CR1L: variants seen among roughly 807,000 people sequenced by gnomAD.
CR1L encodes the protein complement C3b/C4b receptor 1 like, also known as complement component receptor 1-like protein.
Under a neutral mutation model 62.3 loss-of-function variants are expected in CR1L, and 59 were observed. The ratio of observed to expected loss-of-function variants is 0.95; its 90% CI spans 0.77 to 1.18. CR1L has a LOEUF of 1.18. Ranked by LOEUF, CR1L falls within the 50% of genes most tolerant of loss-of-function variation. The pLI is 0.00. For missense variants in CR1L, 700 were observed against 702.8 expected (o/e 1.00, Z 0.04); for synonymous variants, 279 against 248.7 (o/e 1.12, Z -1.15).
At chr1:207,689,347 C>T (rs1468136087) in intron 4 of CR1L, among the ~76,000 whole-genome samples, 2 of 151,798 alleles carry the variant, frequency 1.3e-5, no homozygotes, top group African/African-American at 2.4e-5. Context: ...AGATGATTAT[C>T]CTATCTATGA....
At position 207,697,517 on chromosome 1, in the gene CR1L, C is replaced by G. The variant is rs1458862860; in HGVS notation, c.877C>G (p.Pro293Ala). The G allele has an allele frequency of 6.2e-7, 1 of 1,613,686 alleles. No homozygotes were observed. Among genetic ancestry groups the G allele is most frequent in the Non-Finnish European group, 8.5e-7 (1 of 1,179,740 alleles). ...PSCSRVCQPP[P>A]DVLHAERTQR... Reference sequence around the variant, plus strand: ...TCTCTCCCCAGTATGTCAGCCACCTCCAGATGTCCTGCATGCTGAGCGTAC... The same window carrying G: ...TCTCTCCCCAGTATGTCAGCCACCTGCAGATGTCCTGCATGCTGAGCGTAC... Residue 293 changes from proline to alanine, a missense_variant, in exon 6 of 12, where the codon CCA becomes GCA. Physicochemically the swap from Pro to Ala is conservative, Grantham distance 27. Coordinates refer to ENST00000508064, the MANE Select transcript of CR1L (RefSeq NM_175710.2).
At chr1:207,717,422 T>C in intron 10 of CR1L, 42 bp from the exon 11 acceptor site, 2 of 1,594,132 alleles carry the variant, frequency 1.3e-6, no homozygotes, top group South Asian at 1.1e-5. Context: ...TCATCTTAAG[T>C]GAAACTCTAA....
chr1:207,708,217 C>T lies in CR1L; in HGVS notation c.1368C>T (p.Leu456=). 1 of 1,611,488 alleles carries T rather than the reference C, an allele frequency of 6.2e-7. No homozygotes were observed. Among genetic ancestry groups the T allele is most frequent in the East Asian group, 2.2e-5 (1 of 44,854 alleles). Residue 456 remains leucine (L), a synonymous_variant, in exon 10 of 12, where the codon CTC becomes CTT. Coordinates refer to ENST00000508064, the MANE Select transcript of CR1L (RefSeq NM_175710.2). ...GTCACTCATCTGCTGAATGTATCCT[C>T]TCGGGCAATACTGCCCATTGGAGCA... ...LIGHSSAECI[L]SGNTAHWSMK...
intron 7 of CR1L, 107 bp from the exon 8 acceptor site, chr1:207,699,080 GCT>G: frequency 7.2e-7 from 1 of 1,397,462 alleles, no homozygotes; most frequent in South Asian, 1.2e-5. Context: ...TCTGCCACCT[GCT>G]GGCCTCAGGT....
At chr1:207,717,835 C>G (rs1571539467) in intron 11 of CR1L, 144 bp downstream of exon 11, 1 of 1,014,794 alleles carries the variant, frequency 9.9e-7, no homozygotes, top group East Asian at 2.6e-5. Context: ...AAGTGAATGA[C>G]AAATGGGTTC....
At chr1:207,691,349 T>C (rs1663994443) in intron 4 of CR1L, among the ~76,000 whole-genome samples, 1 of 151,928 alleles carries the variant, frequency 6.6e-6, no homozygotes, top group South Asian at 2.1e-4. Flanking sequence ...ATTTCAAATC[T>C]TTTACTTTCA....
chr1:207,706,180 G>T (rs1558024150), intron 9 of CR1L, among the ~76,000 whole-genome samples: 1 of 151,920 alleles, frequency 6.6e-6, no homozygotes, highest in Non-Finnish European at 1.5e-5. Context: ...CCAACACTGA[G>T]AGGCCGAAGC....
intron 8 of CR1L, among the ~76,000 whole-genome samples, chr1:207,700,927 C>T (rs1830762): frequency 0.29 from 43,786 of 152,092 alleles, 6,438 homozygotes; most frequent in East Asian, 0.4. Context: ...TAAACTTGCA[C>T]TGGATCTTTC....
intron 10 of CR1L, among the ~76,000 whole-genome samples, chr1:207,714,919 A>G (rs1056613950): frequency 6.6e-6 from 1 of 152,158 alleles, no homozygotes; most frequent in Non-Finnish European, 1.5e-5. Flanking sequence ...CTCATGACCC[A>G]CTAATGAGAA....
intron 11 of CR1L, among the ~76,000 whole-genome samples, chr1:207,720,680 C>T (rs1022694534): frequency 6.6e-5 from 10 of 152,230 alleles, no homozygotes; most frequent in African/African-American, 2.2e-4. Context: ...ACATATAACC[C>T]ATATTTACGC....
chr1:207,707,049 T>C (rs953846299), intron 9 of CR1L, among the ~76,000 whole-genome samples: 3 of 152,236 alleles, frequency 2.0e-5, no homozygotes, highest in Non-Finnish European at 4.4e-5. Flanking sequence ...GGTTTAAATA[T>C]ATGTATCAAG....
rs1238605524 is a variant in CR1L at position 207,683,018 on chromosome 1, C to T, written c.378-854C>T. On this transcript the variant is annotated intron_variant, in intron 3 of 11. Coordinates refer to ENST00000508064, the MANE Select transcript of CR1L (RefSeq NM_175710.2). The stretch of plus-strand genomic sequence containing the variant: ...TTTCTTTCTTTCTTTCTTTTTCTTT[C>T]TTTCTTTCCTTCCTTCCTTCCTTCC... 1.2e-4 allele frequency among the ~76,000 whole-genome samples: 15 copies of T among 120,142 alleles called. No individual in the cohort carries two copies. The East Asian group carries it at 1.3e-3, about 10-fold the overall frequency. The allele number at this position is 120,142 out of a possible 152,430, so 78.8% of individuals were successfully genotyped here.
chr1:207,656,766 G>A (rs1458685211), intron 1 of CR1L, among the ~76,000 whole-genome samples: 2 of 152,070 alleles, frequency 1.3e-5, no homozygotes, highest in African/African-American at 4.8e-5. Context: ...CCAAGGGGAC[G>A]GTGCTAAACC....
chr1:207,652,593 T>C (rs1257686104), intron 1 of CR1L: 2 of 1,553,490 alleles, frequency 1.3e-6, no homozygotes, highest in Non-Finnish European at 8.9e-7. Context: ...AGCTCATTGG[T>C]AAACCAAAAC....
At chr1:207,673,773 T>C (rs183516913) in intron 1 of CR1L, among the ~76,000 whole-genome samples, 1 of 152,150 alleles carries the variant, frequency 6.6e-6, no homozygotes, top group South Asian at 2.1e-4. Context: ...CTTAAAACCT[T>C]ACACACACAC....
rs201515210 is a variant in CR1L, at chr1:207,714,996, G to T, written c.1415-2468G>T. 1.2e-4 allele frequency among the ~76,000 whole-genome samples: 18 copies of T among 152,324 alleles called. No homozygotes were observed. The East Asian group carries it at 2.3e-3, about 20-fold the overall frequency. On this transcript the variant is annotated intron_variant, in intron 10 of 11. Transcript: ENST00000508064. ...GAAGGTTATGGCTCTTGTGCCCATG[G>T]AGAAGTCTGGTTCTGTGTTCATGCC... is the stretch of plus-strand genomic sequence containing the variant.
chr1:207,704,453 A>G (rs1432488879), intron 9 of CR1L, among the ~76,000 whole-genome samples: 3 of 152,254 alleles, frequency 2.0e-5, no homozygotes, highest in Non-Finnish European at 2.9e-5. Flanking sequence ...CAGCAGCAGT[A>G]TCTGGGAGGA....
chr1:207,645,699 A>G (rs1663111341), intron 1 of CR1L, among the ~76,000 whole-genome samples: 1 of 152,128 alleles, frequency 6.6e-6, no homozygotes, highest in South Asian at 2.1e-4. Context: ...TTGTTGCTAG[A>G]GCCCGTGCTG....
chr1:207,706,480 A>AGC (rs1664269733), intron 9 of CR1L, among the ~76,000 whole-genome samples: 1 of 152,118 alleles, frequency 6.6e-6, no homozygotes, highest in African/African-American at 2.4e-5. Flanking sequence ...TTATGTATTA[A>AGC]AAAAATTCCA....
Sources: gnomAD v4.1 joint callset for allele counts (sites outside exome capture counted in the v4.1 genomes callset) on GRCh38, gnomAD v4.1.1 for gene constraint, MANE v1.5 for transcripts, NCBI Gene and HGNC (gene_info 2026-07-23, HGNC 2026-07-21) for gene names.